DMD: variants seen among roughly 807,000 people sequenced by gnomAD.
DMD encodes dystrophin.
DMD carries 63 observed loss-of-function variants against 330.1 expected under a neutral mutation model. That is an observed-to-expected ratio of 0.19 (90% CI 0.16 to 0.24). DMD has a LOEUF of 0.24. Ranked by LOEUF, DMD falls within the 10% of genes least tolerant of loss-of-function variation. DMD has a pLI of 1.00. For synonymous variants in DMD, 1,223 were observed against 959.8 expected, an observed-to-expected ratio of 1.27 and a Z score of -5.07; for missense variants, 3,344 against 2,684.1, an observed-to-expected ratio of 1.25 and a Z score of -5.43.
chrX:31,378,320 G>C (rs145501353), intron 60 of DMD, among the ~76,000 whole-genome samples: 2,554 of 110,740 alleles, frequency 0.023, 74 homozygotes, highest in African/African-American at 0.08. Flanking sequence ...TTTAAATCAG[G>C]TAAGCGGCCT....
At chrX:32,438,742 A>C (rs149359621) in intron 28 of DMD, among the ~76,000 whole-genome samples, 266 of 111,870 alleles carry the variant, frequency 2.4e-3, no homozygotes, top group Non-Finnish European at 4.1e-3. Flanking sequence ...ATTCTGAAAA[A>C]GAGTACTCTC....
At chrX:31,718,252 C>T (rs1360391958) in intron 52 of DMD, among the ~76,000 whole-genome samples, 3 of 111,566 alleles carry the variant, frequency 2.7e-5, no homozygotes, top group Admixed American at 9.5e-5. Context: ...TCAGGAAAGA[C>T]AAATTTCTCG....
chrX:33,216,332 A>G (rs887136362), upstream of DMD, among the ~76,000 whole-genome samples: 1 of 111,706 alleles, frequency 9.0e-6, no homozygotes, highest in Non-Finnish European at 1.9e-5. Context: ...TCCTATGCAA[A>G]TTAACACAGG....
intron 4 of DMD, among the ~76,000 whole-genome samples, chrX:32,828,543 A>G (rs2078912361): frequency 9.1e-6 from 1 of 110,131 alleles, no homozygotes; most frequent in South Asian, 3.9e-4. Flanking sequence ...ACATATCTAT[A>G]CAAGTATATG....
At chrX:31,296,671 T>G (rs752766416) in intron 62 of DMD, among the ~76,000 whole-genome samples, 5 of 111,999 alleles carry the variant, frequency 4.5e-5, no homozygotes, top group Non-Finnish European at 9.4e-5. Flanking sequence ...GTTGGACAAG[T>G]GGGAACAAAT....
intron 13 of DMD, among the ~76,000 whole-genome samples, chrX:32,574,462 C>A (rs766092324): frequency 6.2e-4 from 69 of 111,870 alleles, no homozygotes; most frequent in African/African-American, 2.1e-3. Context: ...TCACTAATGT[C>A]TAAGAACACA....
intron 2 of DMD, among the ~76,000 whole-genome samples, chrX:32,919,406 C>T (rs1383030668): frequency 8.9e-6 from 1 of 112,133 alleles, no homozygotes; most frequent in Non-Finnish European, 1.9e-5. Flanking sequence ...TTATTTTTTA[C>T]TATTCAACTA....
At chrX:31,336,622 A>T (rs1284329117) in intron 61 of DMD, among the ~76,000 whole-genome samples, 2 of 112,619 alleles carry the variant, frequency 1.8e-5, no homozygotes, top group Non-Finnish European at 3.7e-5. Flanking sequence ...GTGAGATGGC[A>T]TTACCCTTAG....
At chrX:31,747,693 T>G (rs758702748) in intron 51 of DMD, among the ~76,000 whole-genome samples, 1 of 111,690 alleles carries the variant, frequency 9.0e-6, no homozygotes, top group Admixed American at 9.6e-5. Flanking sequence ...GATAGGGAAA[T>G]GTGCACAGCT....
intron 48 of DMD, among the ~76,000 whole-genome samples, chrX:31,867,371 T>C (rs1217694772): frequency 3.6e-5 from 4 of 110,928 alleles, no homozygotes; most frequent in Admixed American, 1.9e-4. Flanking sequence ...CTTCTACATT[T>C]ATTTTTGAAA....
intron 1 of DMD, among the ~76,000 whole-genome samples, chrX:33,120,374 G>A (rs911694165): frequency 1.3e-4 from 15 of 111,519 alleles, no homozygotes; most frequent in African/African-American, 4.6e-4. Context: ...AGATGGCTGC[G>A]TGCTTTTTTC....
chrX:32,407,697 T>A (rs1257282355), intron 30 of DMD, among the ~76,000 whole-genome samples: 6 of 109,950 alleles, frequency 5.5e-5, no homozygotes, highest in Admixed American at 9.7e-5. Context: ...GGCACTATTC[T>A]CAATAGCAAA....
intron 52 of DMD, among the ~76,000 whole-genome samples, chrX:31,697,361 C>T (rs2083509809): frequency 1.8e-5 from 2 of 111,523 alleles, no homozygotes; most frequent in Non-Finnish European, 3.8e-5. Context: ...ACCCAATGTA[C>T]ACATTTTTTT....
chrX:32,128,080 C>A (rs922818611), intron 44 of DMD, among the ~76,000 whole-genome samples: 10 of 112,122 alleles, frequency 8.9e-5, no homozygotes, highest in African/African-American at 3.2e-4. Context: ...AACTAGTTAG[C>A]AATATTCTTT....
At chrX:32,429,894 TAACTA>T (rs764013226) in intron 29 of DMD, among the ~76,000 whole-genome samples, 1 of 111,503 alleles carries the variant, frequency 9.0e-6, no homozygotes, top group African/African-American at 3.3e-5. Flanking sequence ...TTTAAAAGCT[TAACTA>T]TTTTTTCATC....
chrX:32,511,871 C>T (rs759051914), intron 18 of DMD, among the ~76,000 whole-genome samples: 137 of 111,425 alleles, frequency 1.2e-3, no homozygotes, highest in African/African-American at 3.9e-3. Flanking sequence ...TCAATATATG[C>T]TTAATATATG....
chrX:32,958,884 A>G (rs1340810081), intron 2 of DMD, among the ~76,000 whole-genome samples: 10 of 110,869 alleles, frequency 9.0e-5, no homozygotes. Context: ...TATTTAGGAG[A>G]AAAAACACTT....
chrX:31,852,771 TA>T (rs1053300607), intron 48 of DMD, among the ~76,000 whole-genome samples: 2 of 112,294 alleles, frequency 1.8e-5, no homozygotes, highest in African/African-American at 3.2e-5. Flanking sequence ...TAAAATAAAA[TA>T]AAAAATACAG....
Position 32,623,024 on chromosome X carries a change from T to C in DMD, c.1332-8571A>G, listed in dbSNP as rs1180253580. On this transcript the variant is annotated intron_variant, in intron 11 of 78. Coordinates refer to ENST00000357033, the MANE Select transcript of DMD (RefSeq NM_004006.3). Reference sequence around the variant, plus strand: ...TACTACTGCTAAAACTCAGAAGATATAGATTTATGTGACACTGGCAGGGAA... The same window carrying C: ...TACTACTGCTAAAACTCAGAAGATACAGATTTATGTGACACTGGCAGGGAA... Among the ~76,000 whole-genome samples, 3 of 112,076 alleles carry C rather than the reference T, an allele frequency of 2.7e-5. No individual in the cohort carries two copies. The Admixed American group carries it at 2.8e-4, about 11-fold the overall frequency.
Sources: gnomAD v4.1 joint callset for allele counts (sites outside exome capture counted in the v4.1 genomes callset) on GRCh38, gnomAD v4.1.1 for gene constraint, MANE v1.5 for transcripts, NCBI Gene and HGNC (gene_info 2026-07-23, HGNC 2026-07-21) for gene names.